The following MLF1 variants were observed in gnomAD, a reference collection of about 807,000 sequenced individuals.
MLF1 encodes the protein myeloid leukemia factor 1, also known as myelodysplasia-myeloid leukemia factor 1.
In MLF1, 37 loss-of-function variants were observed where a neutral mutation model predicts 38.3. The observed-to-expected ratio is 0.96, with a 90% CI of 0.74 to 1.27. The LOEUF (loss-of-function observed/expected upper bound fraction) is 1.27, where lower values mean the gene tolerates loss of function less well. MLF1 is among the 50% of genes most tolerant of loss of function. The pLI, the probability that MLF1 is intolerant of heterozygous loss-of-function variation, is 0.00. For synonymous variants in MLF1, 95 were observed against 106.5 expected (o/e 0.89, Z 0.66); for missense variants, 331 against 349.2 (o/e 0.95, Z 0.42).
chr3:158,571,647 G>T (rs1343200570), intron 1 of MLF1, among the ~76,000 whole-genome samples: 3 of 86,576 alleles, frequency 3.5e-5, no homozygotes, highest in Non-Finnish European at 7.2e-5. Context: ...GTTAAGGCTG[G>T]GAGTGGGGGG....
chr3:158,590,032 GTAAAAACTGAAGACCTA>G (rs1191407041), intron 1 of MLF1, among the ~76,000 whole-genome samples: 6 of 152,124 alleles, frequency 3.9e-5, no homozygotes, highest in Admixed American at 6.6e-5. Flanking sequence ...GCAAAATGTG[GTAAAAACTGAAGACCTA>G]ACAAAGATTC....
chr3:158,575,941 G>A lies in MLF1; in HGVS notation c.47+4594G>A, dbSNP rs548652753. ...TAATTATTCAAAAATGGACAAAAATGTATACTTCTTTGATATAAAAATAGA... is the reference window on the plus strand; with the variant it reads ...TAATTATTCAAAAATGGACAAAAATATATACTTCTTTGATATAAAAATAGA... On this transcript the variant is annotated intron_variant, in intron 1 of 7. Coordinates refer to ENST00000466246, the MANE Select transcript of MLF1 (RefSeq NM_001369783.1). 6.6e-5 allele frequency among the ~76,000 whole-genome samples: 10 copies of A among 152,168 alleles called. No homozygotes were observed. In the East Asian group the frequency reaches 1.9e-3, roughly 29 times the overall value.
chr3:158,593,317 G>T, intron 2 of MLF1, 65 bp from the exon 3 acceptor site: 1 of 1,231,942 alleles, frequency 8.1e-7, no homozygotes, highest in South Asian at 1.5e-5. Flanking sequence ...ACATTTAATT[G>T]GTAAATTGAG....
At chr3:158,580,217 G>A (rs1453295578) in intron 1 of MLF1, among the ~76,000 whole-genome samples, 1 of 151,716 alleles carries the variant, frequency 6.6e-6, no homozygotes, top group South Asian at 2.1e-4. Flanking sequence ...GGGTTGATAC[G>A]TGTAGCAAAC....
intron 1 of MLF1, among the ~76,000 whole-genome samples, chr3:158,573,642 C>G (rs1355295068): frequency 6.6e-6 from 1 of 152,038 alleles, no homozygotes; most frequent in African/African-American, 2.4e-5. Context: ...ACTTTTTAGC[C>G]TAAGTGTTTT....
intron 1 of MLF1, among the ~76,000 whole-genome samples, chr3:158,580,112 ACT>A (rs1716099226): frequency 6.6e-6 from 1 of 152,028 alleles, no homozygotes; most frequent in Admixed American, 6.6e-5. Flanking sequence ...ACTACTTGAA[ACT>A]CTGTACCTTC....
At chr3:158,575,749 G>T (rs1235726532) in intron 1 of MLF1, among the ~76,000 whole-genome samples, 1 of 152,040 alleles carries the variant, frequency 6.6e-6, no homozygotes, top group African/African-American at 2.4e-5. Context: ...AGTCAATCTG[G>T]TATTTAGTTG....
intron 1 of MLF1, chr3:158,582,662 T>C (rs1032302578): frequency 9.5e-6 from 4 of 419,838 alleles, no homozygotes; most frequent in African/African-American, 8.2e-5. Flanking sequence ...TCAGAGACCA[T>C]GCAAGCAAGA....
chr3:158,586,366 T>C (rs761829930), intron 1 of MLF1, among the ~76,000 whole-genome samples: 2 of 151,754 alleles, frequency 1.3e-5, no homozygotes, highest in Non-Finnish European at 1.5e-5. Context: ...CTACACTAGA[T>C]GTAGGAAGAT....
chr3:158,591,405 CTGACTCA>C (rs1399655854), intron 1 of MLF1, among the ~76,000 whole-genome samples: 15 of 152,044 alleles, frequency 9.9e-5, no homozygotes, highest in African/African-American at 3.6e-4. Flanking sequence ...AGCAATCCAC[CTGACTCA>C]GCCTCCCAAA....
intron 1 of MLF1, chr3:158,591,236 T>G (rs1718090667): frequency 2.3e-6 from 1 of 429,408 alleles, no homozygotes; most frequent in Non-Finnish European, 4.6e-6. Context: ...CTTGGCTCAC[T>G]GCAACTTCTG....
intron 6 of MLF1, among the ~76,000 whole-genome samples, chr3:158,600,572 T>TTATA (rs4020788): frequency 6.6e-6 from 1 of 150,834 alleles, no homozygotes; most frequent in Non-Finnish European, 1.5e-5. Context: ...CCTAATCATT[T>TTATA]TATATATATA....
At chr3:158,581,174 G>C (rs979867669) in intron 1 of MLF1, among the ~76,000 whole-genome samples, 6 of 152,108 alleles carry the variant, frequency 3.9e-5, no homozygotes, top group African/African-American at 1.4e-4. Flanking sequence ...AGGAAAACCT[G>C]ACCTGTAGTT....
intron 1 of MLF1, among the ~76,000 whole-genome samples, chr3:158,589,731 G>T (rs1300878952): frequency 6.6e-6 from 1 of 152,140 alleles, no homozygotes; most frequent in African/African-American, 2.4e-5. Flanking sequence ...TCATCTTATG[G>T]TGGAGATCAG....
chr3:158,593,342 TAAA>T, intron 2 of MLF1, 37 bp from the exon 3 acceptor site: 6 of 1,457,962 alleles, frequency 4.1e-6, no homozygotes, highest in Non-Finnish European at 2.8e-6. Context: ...TTCTATATAA[TAAA>T]TGTCATAATC....
rs1436443630 is a variant in MLF1, at chr3:158,593,308, C to T, written c.196-74C>T. 2.6e-6 allele frequency: 3 copies of T among 1,175,352 alleles called. No homozygotes were observed. The Admixed American group carries it at 7.3e-5, about 29-fold the overall frequency. 72.8% of individuals were successfully genotyped at this position (1,175,352 alleles called of 1,614,324 possible). ...ATGTAGCAATTTGAAATTCAGTAAA[C>T]ATTTAATTGGTAAATTGAGAAACTT... On this transcript the variant is annotated intron_variant, in intron 2 of 7. Coordinates refer to ENST00000466246, the MANE Select transcript of MLF1 (RefSeq NM_001369783.1).
intron 1 of MLF1, among the ~76,000 whole-genome samples, chr3:158,580,302 A>G (rs1165644671): frequency 6.6e-6 from 1 of 151,982 alleles, no homozygotes; most frequent in Non-Finnish European, 1.5e-5. Context: ...AAAAAAAAAA[A>G]GAAAGATTTT....
Position 158,596,905 on chromosome 3 carries a change from C to A in MLF1, c.284C>A (p.Ser95Ter). 1.2e-6 allele frequency: 2 copies of A among 1,609,326 alleles called. No individual in the cohort carries two copies. The highest frequency in any genetic ancestry group is 2.2e-5 in the South Asian group (2 of 90,478). Residue 95 changes from serine (S) to a stop codon, truncating the protein, a stop_gained, in exon 4 of 8, where the codon TCA becomes TAA. Transcript: ENST00000466246. LOFTEE classifies it high-confidence loss of function. ...SSFQTMDQMVSNMRNYMQKLE... is the reference protein window; with the variant it reads ...SSFQTMDQMV ...TTCCAGACAATGGACCAAATGGTGT[C>A]AAATATGAGAAACTATATGCAGAAA...
intron 3 of MLF1, among the ~76,000 whole-genome samples, chr3:158,595,806 G>A (rs374358487): frequency 1.9e-4 from 29 of 152,224 alleles, no homozygotes; most frequent in African/African-American, 6.5e-4. Flanking sequence ...GAACTTAGGA[G>A]GATTCAGAGC....
Sources: gnomAD v4.1 joint callset for allele counts (sites outside exome capture counted in the v4.1 genomes callset) on GRCh38, gnomAD v4.1.1 for gene constraint, MANE v1.5 for transcripts, NCBI Gene and HGNC (gene_info 2026-07-23, HGNC 2026-07-21) for gene names.